The following FHIP1A variants were observed in gnomAD, a reference collection of about 807,000 sequenced individuals.
The protein encoded by FHIP1A is FHF complex subunit HOOK-interacting protein 1A.
Under a neutral mutation model 88.6 loss-of-function variants are expected in FHIP1A, and 61 were observed. That is an observed-to-expected ratio of 0.69 (90% confidence interval 0.56 to 0.85). FHIP1A has a LOEUF of 0.85. Among genes scored for constraint, FHIP1A ranks in the 40% least tolerant of loss-of-function variants. FHIP1A has a pLI of 0.00. For synonymous variants in FHIP1A, 478 were observed against 496.0 expected (o/e 0.96, Z 0.48); for missense variants, 1,154 against 1,273.5 (o/e 0.91, Z 1.43).
At chr4:151,451,130 A>G (rs1728775299) in intron 1 of FHIP1A, among the ~76,000 whole-genome samples, 1 of 151,854 alleles carries the variant, frequency 6.6e-6, no homozygotes, top group South Asian at 2.1e-4. Context: ...TTATATAACT[A>G]TTGGCTGTTT....
intron 13 of FHIP1A, among the ~76,000 whole-genome samples, chr4:151,659,173 G>C (rs183664230): frequency 7.5e-4 from 114 of 152,194 alleles, no homozygotes; most frequent in African/African-American, 2.7e-3. Flanking sequence ...GACACTCCAG[G>C]GCTCTGACCT....
intron 7 of FHIP1A, among the ~76,000 whole-genome samples, chr4:151,617,009 A>G (rs1262635587): frequency 1.3e-5 from 2 of 152,128 alleles, no homozygotes; most frequent in East Asian, 1.9e-4. Flanking sequence ...CAGCCTCCCA[A>G]AGTGCTGTGA....
At chr4:151,655,740 C>T (rs1737207288) in intron 11 of FHIP1A, among the ~76,000 whole-genome samples, 1 of 152,028 alleles carries the variant, frequency 6.6e-6, no homozygotes, top group Non-Finnish European at 1.5e-5. Flanking sequence ...ATTTGATAAA[C>T]ATAGTTTGTG....
intron 2 of FHIP1A, among the ~76,000 whole-genome samples, chr4:151,456,910 T>G (rs1052683750): frequency 2.6e-5 from 4 of 152,162 alleles, no homozygotes; most frequent in Non-Finnish European, 4.4e-5. Context: ...AAAATTTTTG[T>G]ATAGCTTGAA....
intron 3 of FHIP1A, among the ~76,000 whole-genome samples, chr4:151,557,173 T>G (rs1466272381): frequency 1.3e-5 from 2 of 152,218 alleles, no homozygotes; most frequent in African/African-American, 2.4e-5. Context: ...AAATAATTTT[T>G]ACATAAAAGG....
At chr4:151,585,337 A>C (rs1450649259) in intron 5 of FHIP1A, among the ~76,000 whole-genome samples, 3 of 151,844 alleles carry the variant, frequency 2.0e-5, no homozygotes, top group Non-Finnish European at 4.4e-5. Flanking sequence ...GTGCCACCAC[A>C]CCCAGCTAAA....
Position 151,428,565 on chromosome 4 carries a change from A to G in FHIP1A, c.-356+19100A>G, listed in dbSNP as rs1252243331. 2.0e-5 allele frequency among the ~76,000 whole-genome samples: 3 copies of G among 152,230 alleles called. No individual in the cohort carries two copies. The East Asian group carries it at 5.8e-4, about 29-fold the overall frequency. On this transcript the variant is annotated intron_variant, in intron 1 of 13. Transcript: ENST00000435205. ...GTAATATTTAAACAATGTAGATTTC[A>G]TCATGTCATTCTCCCTCCAGCACCC...
At chr4:151,553,531 A>G (rs965201577) in intron 3 of FHIP1A, among the ~76,000 whole-genome samples, 1 of 152,206 alleles carries the variant, frequency 6.6e-6, no homozygotes, top group South Asian at 2.1e-4. Flanking sequence ...AACTCGTAGG[A>G]TAATCAGTTT....
At chr4:151,526,938 G>A (rs1411049257) in intron 3 of FHIP1A, among the ~76,000 whole-genome samples, 8 of 151,886 alleles carry the variant, frequency 5.3e-5, no homozygotes, top group Non-Finnish European at 1.5e-5. Flanking sequence ...CGGCCGGGCA[G>A]AGACGCTCCT....
At chr4:151,547,720 C>G (rs1172144665) in intron 3 of FHIP1A, among the ~76,000 whole-genome samples, 1 of 152,118 alleles carries the variant, frequency 6.6e-6, no homozygotes, top group African/African-American at 2.4e-5. Flanking sequence ...TTGAGACCAG[C>G]CTGGCCAACA....
rs184872203 is a variant in FHIP1A, at chr4:151,501,094, A to T, written c.-123+18446A>T. Among the ~76,000 whole-genome samples the T allele has an allele frequency of 3.3e-5, 5 of 152,352 alleles. No individual in the cohort carries two copies. The East Asian group carries it at 9.6e-4, about 29-fold the overall frequency. ...AATACTCTGTTTGAATTTTGGTGAT[A>T]TCAGCAGTAATAAAGGCAATATAAA... is the stretch of plus-strand genomic sequence containing the variant. On this transcript the variant is annotated intron_variant, in intron 3 of 13. Coordinates refer to ENST00000435205, the MANE Select transcript of FHIP1A (RefSeq NM_001109977.3).
At chr4:151,540,427 G>C (rs578209092) in intron 3 of FHIP1A, among the ~76,000 whole-genome samples, 1 of 152,168 alleles carries the variant, frequency 6.6e-6, no homozygotes, top group East Asian at 1.9e-4. Context: ...TTATACCTTA[G>C]TTCTACCTAG....
chr4:151,617,879 C>CT (rs1017412063), intron 7 of FHIP1A, among the ~76,000 whole-genome samples: 2 of 152,102 alleles, frequency 1.3e-5, no homozygotes, highest in African/African-American at 4.8e-5. Context: ...GAGAGAGACT[C>CT]TGTCTTAAAA....
At chr4:151,626,314 C>T (rs551153261) in intron 7 of FHIP1A, among the ~76,000 whole-genome samples, 12 of 152,204 alleles carry the variant, frequency 7.9e-5, no homozygotes, top group South Asian at 2.1e-4. Context: ...TGAAGATTCT[C>T]GGCATGAAGA....
intron 8 of FHIP1A, among the ~76,000 whole-genome samples, 163 bp downstream of exon 8, chr4:151,630,032 G>T (rs1472473903): frequency 6.6e-6 from 1 of 151,852 alleles, no homozygotes; most frequent in Admixed American, 6.6e-5. Context: ...TTCTATTTGG[G>T]TAGAGATGAA....
At chr4:151,416,352 T>C (rs1561485861) in intron 1 of FHIP1A, among the ~76,000 whole-genome samples, 1 of 152,194 alleles carries the variant, frequency 6.6e-6, no homozygotes, top group Non-Finnish European at 1.5e-5. Context: ...ATGAATATCT[T>C]CTATTTTGTT....
chr4:151,512,696 G>C (rs567499949), intron 3 of FHIP1A, among the ~76,000 whole-genome samples: 9 of 152,278 alleles, frequency 5.9e-5, no homozygotes, highest in African/African-American at 2.2e-4. Flanking sequence ...GGAAGAAAGG[G>C]TATCAGTGAT....
At chr4:151,597,726 C>T (rs554831695) in intron 7 of FHIP1A, among the ~76,000 whole-genome samples, 1 of 152,254 alleles carries the variant, frequency 6.6e-6, no homozygotes, top group African/African-American at 2.4e-5. Flanking sequence ...AGATGCCCAG[C>T]CCAGAGAGGA....
chr4:151,556,825 C>G (rs1732964479), intron 3 of FHIP1A, among the ~76,000 whole-genome samples: 1 of 152,120 alleles, frequency 6.6e-6, no homozygotes, highest in Non-Finnish European at 1.5e-5. Flanking sequence ...GTGTGGGTAT[C>G]TCACTGTGCT....
Sources: allele counts gnomAD v4.1 joint callset (sites outside exome capture counted in the v4.1 genomes callset), GRCh38; gene constraint gnomAD v4.1.1; transcripts MANE v1.5; gene names NCBI Gene and HGNC (gene_info 2026-07-23, HGNC 2026-07-21).